PTPN5: variants seen among roughly 807,000 people sequenced by gnomAD.
The protein encoded by PTPN5 is protein tyrosine phosphatase non-receptor type 5, also known as tyrosine-protein phosphatase non-receptor type 5.
PTPN5 carries 29 observed loss-of-function variants against 73.9 expected under a neutral mutation model. That is an observed-to-expected ratio of 0.39 (90% confidence interval 0.29 to 0.54). The LOEUF is 0.54. Among genes scored for constraint, PTPN5 ranks in the 20% least tolerant of loss-of-function variants. The pLI is 0.65. For synonymous variants in PTPN5, 267 were observed against 304.7 expected (o/e 0.88, Z 1.29); for missense variants, 652 against 751.4 (o/e 0.87, Z 1.55).
chr11:18,789,426 A>C (rs943660544), intron 1 of PTPN5, among the ~76,000 whole-genome samples: 1 of 152,224 alleles, frequency 6.6e-6, no homozygotes, highest in Admixed American at 6.5e-5. Context: ...ACAGCCAGTG[A>C]GGAAGAGACT....
chr11:18,740,952 A>C (rs146861860), intron 7 of PTPN5, among the ~76,000 whole-genome samples, 160 bp from the exon 8 acceptor site: 3 of 152,062 alleles, frequency 2.0e-5, no homozygotes, highest in East Asian at 3.9e-4. Context: ...CTGACAAAGA[A>C]GCGTGAATCT....
chr11:18,759,294 C>A (rs1357210377), intron 3 of PTPN5, among the ~76,000 whole-genome samples: 2 of 152,226 alleles, frequency 1.3e-5, no homozygotes, highest in African/African-American at 4.8e-5. Flanking sequence ...CTCAATTAAT[C>A]CTCACAAAAT....
intron 3 of PTPN5, among the ~76,000 whole-genome samples, chr11:18,762,907 G>T (rs1228208830): frequency 6.6e-6 from 1 of 152,216 alleles, no homozygotes; most frequent in Non-Finnish European, 1.5e-5. Flanking sequence ...TGTCCTGGGA[G>T]GGTGGGAACT....
At chr11:18,777,696 A>C (rs1851223183) in intron 1 of PTPN5, among the ~76,000 whole-genome samples, 1 of 152,224 alleles carries the variant, frequency 6.6e-6, no homozygotes, top group East Asian at 1.9e-4. Context: ...CTGTAATTCC[A>C]GCATTTTAGG....
chr11:18,779,006 G>A (rs1247524073), intron 1 of PTPN5, among the ~76,000 whole-genome samples: 2 of 152,074 alleles, frequency 1.3e-5, no homozygotes, highest in Non-Finnish European at 2.9e-5. Flanking sequence ...ATCCCTTCTG[G>A]CATCTGCTCC....
At position 18,743,753 on chromosome 11, in the gene PTPN5, C is replaced by T. The variant is rs190425988; in HGVS notation, c.291+253G>A. On this transcript the variant is annotated intron_variant, in intron 4 of 14. Coordinates refer to ENST00000358540, the MANE Select transcript of PTPN5 (RefSeq NM_006906.2). ...GGAGAACCCTGTACGGCTGGGAGCT[C>T]AGGGGTCGGGGAGGCCCTGTGTTCT... 11 of 569,446 alleles carry T rather than the reference C, an allele frequency of 1.9e-5. No homozygotes were observed. The Admixed American group carries it at 2.6e-4, about 14-fold the overall frequency. 35.3% of individuals were successfully genotyped at this position (569,446 alleles called of 1,614,324 possible). A position where few individuals can be genotyped will look rare whatever the true frequency, so the allele number is the denominator to read the frequency against.
Position 18,729,439 on chromosome 11 carries a change from GC to G in PTPN5, c.1604+13del. ...AGCTCCCTTGTGTGTCCCCACTCCC[GC>G]CCGTGGGCTGACCTGTCCTGACGGA... On this transcript the variant is annotated intron_variant, in intron 14 of 14. Transcript: ENST00000358540. This position sits in a 1 kb window ranked among gnomAD's most constrained non-coding sequence, Gnocchi z 5.2. 1 of 1,297,216 alleles carries G rather than the reference GC, an allele frequency of 7.7e-7. No homozygotes were observed. 80.4% of individuals were successfully genotyped at this position (1,297,216 alleles called of 1,614,324 possible). A position where few individuals can be genotyped will look rare whatever the true frequency, so the allele number is the denominator to read the frequency against.
intron 12 of PTPN5, among the ~76,000 whole-genome samples, chr11:18,731,591 G>A (rs1564885276): frequency 6.6e-6 from 1 of 152,216 alleles, no homozygotes; most frequent in Non-Finnish European, 1.5e-5. Flanking sequence ...ATTTTCTCAA[G>A]TCCTGAGTTA....
At chr11:18,771,561 C>G (rs758897042) in intron 2 of PTPN5, among the ~76,000 whole-genome samples, 15 of 152,208 alleles carry the variant, frequency 9.9e-5, no homozygotes, top group Non-Finnish European at 1.8e-4. Flanking sequence ...ATCCTCACCC[C>G]CTCAACCACC....
intron 3 of PTPN5, among the ~76,000 whole-genome samples, chr11:18,744,812 G>T (rs1849542989): frequency 6.6e-6 from 1 of 152,218 alleles, no homozygotes; most frequent in Admixed American, 6.5e-5. Flanking sequence ...TTCTGGGTCT[G>T]TCCCTAGTGA....
At chr11:18,731,076 A>G (rs915892939) in intron 12 of PTPN5, among the ~76,000 whole-genome samples, 1 of 151,814 alleles carries the variant, frequency 6.6e-6, no homozygotes, top group African/African-American at 2.4e-5. Flanking sequence ...CACCATGTAC[A>G]GGAAGCCCTC....
chr11:18,759,676 A>C (rs150700849), intron 3 of PTPN5, among the ~76,000 whole-genome samples: 79 of 152,362 alleles, frequency 5.2e-4, no homozygotes, highest in African/African-American at 1.8e-3. Flanking sequence ...AATGACAATA[A>C]ATATCTCTAA....
chr11:18,771,851 G>A (rs1850915782), intron 2 of PTPN5, 88 bp downstream of exon 2: 3 of 1,087,030 alleles, frequency 2.8e-6, no homozygotes. Flanking sequence ...TCATGAGAAT[G>A]GGTCACGTGT....
intron 1 of PTPN5, among the ~76,000 whole-genome samples, chr11:18,778,009 A>G (rs1000151859): frequency 6.6e-6 from 1 of 151,640 alleles, no homozygotes; most frequent in Non-Finnish European, 1.5e-5. Context: ...GAAGGAAGGA[A>G]GGAAGGAAGG....
At chr11:18,745,401 T>G (rs1271434074) in intron 3 of PTPN5, among the ~76,000 whole-genome samples, 1 of 152,198 alleles carries the variant, frequency 6.6e-6, no homozygotes, top group Non-Finnish European at 1.5e-5. Flanking sequence ...GTCCTGGAGC[T>G]GTGTTTGTAG....
At chr11:18,783,123 C>T (rs1458441000) in intron 1 of PTPN5, among the ~76,000 whole-genome samples, 2 of 152,226 alleles carry the variant, frequency 1.3e-5, no homozygotes. Context: ...CCCGAAGGGG[C>T]CCCAGGAGGT....
chr11:18,771,549 G>T (rs997464062), intron 2 of PTPN5, among the ~76,000 whole-genome samples: 1 of 152,160 alleles, frequency 6.6e-6, no homozygotes, highest in Non-Finnish European at 1.5e-5. Context: ...CGACTCTGGA[G>T]CATCCTCACC....
rs572954964 is a variant in PTPN5 at position 18,756,713 on chromosome 11, G to A, written c.97+9094C>T. Among the ~76,000 whole-genome samples, 44 of 152,046 alleles carry A rather than the reference G, an allele frequency of 2.9e-4. 1 individual carries two copies. In the South Asian group the frequency reaches 8.9e-3, roughly 31 times the overall value. Reference sequence around the variant, plus strand: ...CGAGGCGGGCGGATCATGAGGTCAGGAGATCGAGACCACCCCGGCTAACAC... The same window carrying A: ...CGAGGCGGGCGGATCATGAGGTCAGAAGATCGAGACCACCCCGGCTAACAC... On this transcript the variant is annotated intron_variant, in intron 3 of 14. Transcript: ENST00000358540.
In PTPN5 at chr11:18,733,229, C is replaced by G. The variant is rs376387273; in HGVS notation, c.1218+6G>C. ...AGACACTTAGAATGGGGACGGGGGT[C>G]CCTACCTCGTTCATCTCCTCGATGT... On this transcript the variant is annotated splice_donor_region_variant and intron_variant, in intron 11 of 14. Transcript: ENST00000358540. The surrounding 1 kb of genome is among the most constrained non-coding windows in gnomAD (Gnocchi z 4.3). 1.1e-4 allele frequency: 172 copies of G among 1,609,516 alleles called. No homozygotes were observed. The highest frequency in any genetic ancestry group is 1.4e-4 in the Non-Finnish European group (168 of 1,176,356).
Sources: allele counts gnomAD v4.1 joint callset (sites outside exome capture counted in the v4.1 genomes callset), GRCh38; gene constraint gnomAD v4.1.1; non-coding constraint Gnocchi (gnomAD v3.1); transcripts MANE v1.5; gene names NCBI Gene and HGNC (gene_info 2026-07-23, HGNC 2026-07-21).